The following LUZP2 variants were observed in gnomAD, a reference collection of about 807,000 sequenced individuals.
LUZP2 encodes the protein leucine zipper protein 2.
Under a neutral mutation model 51.6 loss-of-function variants are expected in LUZP2, and 52 were observed. The ratio of observed to expected loss-of-function variants is 1.01; its 90% CI spans 0.81 to 1.27. The LOEUF is 1.27. Ranked by LOEUF, LUZP2 falls within the 50% of genes most tolerant of loss-of-function variation. The pLI, the probability that LUZP2 is intolerant of heterozygous loss-of-function variation, is 0.00. For missense variants in LUZP2, 436 were observed against 395.4 expected, an observed-to-expected ratio of 1.10 and a Z score of -0.87; for synonymous variants, 154 against 137.3, an observed-to-expected ratio of 1.12 and a Z score of -0.85.
At chr11:24,810,906 T>C (rs758944480) in intron 5 of LUZP2, among the ~76,000 whole-genome samples, 1 of 152,140 alleles carries the variant, frequency 6.6e-6, no homozygotes, top group Non-Finnish European at 1.5e-5. Flanking sequence ...GATGGGTCAG[T>C]AGCAAGATTG....
intron 7 of LUZP2, among the ~76,000 whole-genome samples, chr11:24,964,787 C>T (rs1017602501): frequency 1.3e-5 from 2 of 151,796 alleles, no homozygotes; most frequent in African/African-American, 4.8e-5. Flanking sequence ...TAGATTATAT[C>T]TCAAAGCATT....
chr11:24,560,410 TATC>T (rs898470188), intron 1 of LUZP2, among the ~76,000 whole-genome samples: 1 of 152,136 alleles, frequency 6.6e-6, no homozygotes, highest in Non-Finnish European at 1.5e-5. Context: ...ATATGTGACA[TATC>T]ATGATTTATT....
intron 5 of LUZP2, among the ~76,000 whole-genome samples, chr11:24,823,299 C>G (rs2046536): frequency 0.74 from 112,776 of 151,454 alleles, 42,654 homozygotes; most frequent in Middle Eastern, 0.81. Context: ...AGTCCAAAGG[C>G]ACTGAGGTTT....
At chr11:24,578,506 C>G (rs576389521) in intron 1 of LUZP2, among the ~76,000 whole-genome samples, 1 of 151,780 alleles carries the variant, frequency 6.6e-6, no homozygotes, top group South Asian at 2.1e-4. Flanking sequence ...GCAGCATCAT[C>G]CACAATAGCA....
chr11:25,027,114 A>C (rs897680169), intron 9 of LUZP2, among the ~76,000 whole-genome samples: 5 of 152,088 alleles, frequency 3.3e-5, no homozygotes, highest in Non-Finnish European at 7.4e-5. Context: ...ATTGTATACA[A>C]GCAATATATT....
intron 5 of LUZP2, among the ~76,000 whole-genome samples, chr11:24,894,957 G>A (rs1378409681): frequency 1.3e-5 from 2 of 152,100 alleles, no homozygotes; most frequent in Non-Finnish European, 2.9e-5. Flanking sequence ...CTAGGATAAT[G>A]GCTAGTTCAA....
chr11:24,722,778 G>T (rs1401013139), intron 1 of LUZP2, among the ~76,000 whole-genome samples: 1 of 151,844 alleles, frequency 6.6e-6, no homozygotes, highest in Non-Finnish European at 1.5e-5. Flanking sequence ...TTAGCTGGGC[G>T]TGGGGGTGCA....
chr11:24,603,173 C>A (rs1257161967), intron 1 of LUZP2, among the ~76,000 whole-genome samples: 1 of 151,678 alleles, frequency 6.6e-6, no homozygotes, highest in African/African-American at 2.4e-5. Flanking sequence ...AAACAAGGTC[C>A]TGAGAATTAA....
chr11:24,556,523 T>A (rs1201332801), intron 1 of LUZP2, among the ~76,000 whole-genome samples: 1 of 152,056 alleles, frequency 6.6e-6, no homozygotes, highest in African/African-American at 2.4e-5. Flanking sequence ...AAAGAAAGAC[T>A]TCATGAAGGG....
intron 1 of LUZP2, among the ~76,000 whole-genome samples, chr11:24,678,393 C>A (rs1291766116): frequency 6.6e-6 from 1 of 152,232 alleles, no homozygotes; most frequent in East Asian, 1.9e-4. Flanking sequence ...CAAACCCCAG[C>A]AGAATTTCCA....
intron 7 of LUZP2, among the ~76,000 whole-genome samples, chr11:24,963,092 C>T (rs892368523): frequency 1.4e-4 from 21 of 152,236 alleles, no homozygotes; most frequent in African/African-American, 4.3e-4. Flanking sequence ...TCGTGAACCG[C>T]GAATGCTGCT....
intron 1 of LUZP2, among the ~76,000 whole-genome samples, chr11:24,679,180 CAAATAGA>C (rs1856657230): frequency 6.6e-6 from 1 of 152,132 alleles, no homozygotes; most frequent in Admixed American, 6.5e-5. Flanking sequence ...TCATCAGTGT[CAAATAGA>C]TAAGAGCTCA....
At chr11:24,788,352 G>A (rs1367218319) in intron 5 of LUZP2, among the ~76,000 whole-genome samples, 1 of 151,762 alleles carries the variant, frequency 6.6e-6, no homozygotes, top group African/African-American at 2.4e-5. Flanking sequence ...ACCATACCCA[G>A]CTAATTTTTG....
intron 1 of LUZP2, among the ~76,000 whole-genome samples, chr11:24,588,540 A>T (rs1007597845): frequency 3.3e-5 from 5 of 152,150 alleles, no homozygotes; most frequent in Non-Finnish European, 7.4e-5. Context: ...GACCTTGGAT[A>T]AAACATTTAA....
chr11:24,905,122 T>C (rs952931135), intron 5 of LUZP2, among the ~76,000 whole-genome samples: 6 of 152,250 alleles, frequency 3.9e-5, no homozygotes, highest in South Asian at 2.1e-4. Context: ...TGTATATATA[T>C]AATAACAGAT....
intron 9 of LUZP2, among the ~76,000 whole-genome samples, chr11:25,002,644 T>A (rs1856719239): frequency 6.6e-6 from 1 of 152,178 alleles, no homozygotes; most frequent in East Asian, 1.9e-4. Context: ...GAGGCCAGCC[T>A]TTTGCTACTA....
At chr11:25,048,103 A>T (rs973983056) in intron 9 of LUZP2, among the ~76,000 whole-genome samples, 3 of 152,116 alleles carry the variant, frequency 2.0e-5, no homozygotes, top group African/African-American at 7.2e-5. Context: ...GAGGCACTGC[A>T]CCCAGCCCCC....
intron 1 of LUZP2, among the ~76,000 whole-genome samples, chr11:24,725,710 T>C (rs1050315644): frequency 6.6e-6 from 1 of 152,004 alleles, no homozygotes; most frequent in Non-Finnish European, 1.5e-5. Context: ...GTAAATGTAA[T>C]AGGTTGGAAT....
intron 1 of LUZP2, among the ~76,000 whole-genome samples, chr11:24,629,276 T>C (rs979917429): frequency 1.3e-5 from 2 of 151,776 alleles, no homozygotes; most frequent in African/African-American, 4.8e-5. Flanking sequence ...TATTACATAC[T>C]CTACGTTCAT....
Sources: allele counts gnomAD v4.1 joint callset (sites outside exome capture counted in the v4.1 genomes callset), GRCh38; gene constraint gnomAD v4.1.1; transcripts MANE v1.5; gene names NCBI Gene and HGNC (gene_info 2026-07-23, HGNC 2026-07-21).